The following MTUS2 variants were observed in gnomAD, a reference collection of about 807,000 sequenced individuals.
MTUS2 encodes microtubule-associated tumor suppressor candidate 2.
In MTUS2, 40 loss-of-function variants were observed where a neutral mutation model predicts 114.1. The ratio of observed to expected loss-of-function variants is 0.35; its 90% CI spans 0.27 to 0.46. The LOEUF (loss-of-function observed/expected upper bound fraction) is 0.46. MTUS2 is among the 20% of genes least tolerant of loss of function. MTUS2 has a pLI of 1.00. For missense variants in MTUS2, 1,679 were observed against 1,705.4 expected (o/e 0.98, Z 0.27); for synonymous variants, 688 against 672.0 (o/e 1.02, Z -0.37).
intron 9 of MTUS2, among the ~76,000 whole-genome samples, chr13:29,443,261 G>A (rs1383239997): frequency 2.6e-5 from 4 of 152,202 alleles, no homozygotes; most frequent in Non-Finnish European, 4.4e-5. Flanking sequence ...TCCACTCCAG[G>A]GTGAATTTCT....
At position 29,415,264 on chromosome 13, in the gene MTUS2, A is replaced by T. The variant is rs578112496; in HGVS notation, c.3118-24719A>T. Among the ~76,000 whole-genome samples, 7 of 152,300 alleles carry T rather than the reference A, an allele frequency of 4.6e-5. No homozygotes were observed. In the South Asian group the frequency reaches 1.4e-3, roughly 32 times the overall value. ...AAACAGGTATAGTCACTATTATCAA[A>T]GTATAAAGTTCAATATATAGCTATA... On this transcript the variant is annotated intron_variant, in intron 8 of 15. Coordinates refer to ENST00000612955, the MANE Select transcript of MTUS2 (RefSeq NM_001033602.4).
chr13:29,298,827 C>T (rs1485764884), intron 6 of MTUS2, among the ~76,000 whole-genome samples: 1 of 152,120 alleles, frequency 6.6e-6, no homozygotes, highest in Non-Finnish European at 1.5e-5. Context: ...AGCTCTTGTT[C>T]GCTTGGGAGT....
chr13:29,320,701 A>G (rs77488740), intron 6 of MTUS2, among the ~76,000 whole-genome samples: 2 of 152,344 alleles, frequency 1.3e-5, no homozygotes, highest in East Asian at 3.9e-4. Flanking sequence ...GATCTTGTTA[A>G]AGGCTTAAGG....
At chr13:28,987,829 C>G (rs1424842708) in intron 2 of MTUS2, among the ~76,000 whole-genome samples, 2 of 152,212 alleles carry the variant, frequency 1.3e-5, no homozygotes, top group African/African-American at 4.8e-5. Flanking sequence ...CAACTGTACA[C>G]TTAAGAATGG....
chr13:28,845,199 C>T (rs6490334), intron 2 of MTUS2, among the ~76,000 whole-genome samples: 46,355 of 152,056 alleles, frequency 0.3, 8,565 homozygotes, highest in African/African-American at 0.5. Context: ...ATCCTTCTGC[C>T]TCCGCCTCCC....
intron 8 of MTUS2, among the ~76,000 whole-genome samples, chr13:29,394,183 G>C (rs1873727520): frequency 6.6e-6 from 1 of 151,882 alleles, no homozygotes; most frequent in South Asian, 2.1e-4. Flanking sequence ...GTGTGACCAG[G>C]GCTCGAGGCA....
intron 2 of MTUS2, among the ~76,000 whole-genome samples, chr13:28,963,002 C>T (rs1456085506): frequency 6.6e-6 from 1 of 152,142 alleles, no homozygotes; most frequent in African/African-American, 2.4e-5. Context: ...TGTAATTGAG[C>T]CTTCCTTTCT....
chr13:29,005,693 C>T (rs1202502691), intron 2 of MTUS2, among the ~76,000 whole-genome samples: 2 of 152,194 alleles, frequency 1.3e-5, no homozygotes, highest in African/African-American at 4.8e-5. Context: ...GAACCAGGCA[C>T]ATTTTTGTCT....
intron 5 of MTUS2, among the ~76,000 whole-genome samples, chr13:29,123,059 A>T (rs1470529869): frequency 6.6e-6 from 1 of 152,180 alleles, no homozygotes; most frequent in Non-Finnish European, 1.5e-5. Flanking sequence ...AATTTCTAGC[A>T]TGTTTCCTTT....
At chr13:29,448,491 T>C (rs75499607) in intron 9 of MTUS2, among the ~76,000 whole-genome samples, 12,121 of 151,988 alleles carry the variant, frequency 0.08, 602 homozygotes, top group African/African-American at 0.14. Context: ...GTCTTTTTTT[T>C]CCCCTTGGTG....
At chr13:29,276,126 C>T (rs1414115230) in intron 5 of MTUS2, among the ~76,000 whole-genome samples, 1 of 152,152 alleles carries the variant, frequency 6.6e-6, no homozygotes, top group Non-Finnish European at 1.5e-5. Context: ...TGCAGTTGAT[C>T]AGCTCAGGGT....
Position 28,982,001 on chromosome 13 carries a change from G to A in MTUS2, c.-242-42456G>A, listed in dbSNP as rs1272737202. ...CCTAGGGATTCGCCCTTGTTTCTTC[G>A]TGGCATAGGGAAAGGATTCTTACAT... On this transcript the variant is annotated intron_variant, in intron 2 of 15. Coordinates refer to ENST00000612955, the MANE Select transcript of MTUS2 (RefSeq NM_001033602.4). 2.6e-5 allele frequency among the ~76,000 whole-genome samples: 4 copies of A among 152,120 alleles called. No individual in the cohort carries two copies. In the East Asian group the frequency reaches 5.8e-4, roughly 22 times the overall value.
intron 8 of MTUS2, among the ~76,000 whole-genome samples, chr13:29,407,597 C>T (rs1315741387): frequency 6.6e-6 from 1 of 151,944 alleles, no homozygotes; most frequent in Non-Finnish European, 1.5e-5. Flanking sequence ...CCTGCCTCAG[C>T]CTCCTGGGTA....
chr13:29,443,686 G>T (rs1461107720), intron 9 of MTUS2, among the ~76,000 whole-genome samples: 1 of 152,228 alleles, frequency 6.6e-6, no homozygotes, highest in Non-Finnish European at 1.5e-5. Context: ...ACCGTAAAGC[G>T]CATAAGCTCT....
chr13:29,359,311 G>A lies in MTUS2; in HGVS notation c.2955G>A (p.Lys985=). 1 of 1,609,576 alleles carries A rather than the reference G, an allele frequency of 6.2e-7. No individual in the cohort carries two copies. Among genetic ancestry groups the A allele is most frequent in the Non-Finnish European group, 8.5e-7 (1 of 1,178,150 alleles). The change falls in exon 8 of 16, where the codon AAG becomes AAA. Residue 985 remains lysine (K), a synonymous_variant. Transcript: ENST00000612955. ...TAAARNGFPP[K]PDPQAREAER... ...CAGCTCGAAATGGGTTTCCGCCCAA[G>A]CCGGACCCGCAGGCCCGTGAGGCTG...
At chr13:29,225,517 T>C (rs1045921886) in intron 5 of MTUS2, among the ~76,000 whole-genome samples, 3 of 152,202 alleles carry the variant, frequency 2.0e-5, no homozygotes, top group Non-Finnish European at 2.9e-5. Flanking sequence ...GTAAATCATA[T>C]CATGATCCAC....
intron 8 of MTUS2, among the ~76,000 whole-genome samples, chr13:29,420,940 A>T (rs751611491): frequency 1.1e-4 from 16 of 152,250 alleles, no homozygotes; most frequent in African/African-American, 3.9e-4. Flanking sequence ...ATTATCTTAC[A>T]TCAGTAGCAA....
At chr13:28,936,729 CA>C (rs1217063463) in intron 2 of MTUS2, among the ~76,000 whole-genome samples, 2 of 152,150 alleles carry the variant, frequency 1.3e-5, no homozygotes, top group Admixed American at 6.5e-5. Flanking sequence ...CTTTGAAACC[CA>C]AAAGCCAAGA....
intron 5 of MTUS2, among the ~76,000 whole-genome samples, chr13:29,256,487 A>G (rs1416915871): frequency 6.6e-6 from 1 of 152,240 alleles, no homozygotes; most frequent in African/African-American, 2.4e-5. Context: ...CAAGGAGGGC[A>G]AAGCACCACG....
Sources: allele counts gnomAD v4.1 joint callset (sites outside exome capture counted in the v4.1 genomes callset), GRCh38; gene constraint gnomAD v4.1.1; transcripts MANE v1.5; gene names NCBI Gene and HGNC (gene_info 2026-07-23, HGNC 2026-07-21).